CFAP77: variants seen among roughly 807,000 people sequenced by gnomAD.
CFAP77 encodes cilia- and flagella-associated protein 77.
In CFAP77, 25 loss-of-function variants were observed where a neutral mutation model predicts 31.1. The ratio of observed to expected loss-of-function variants is 0.80; its 90% confidence interval spans 0.59 to 1.12. The LOEUF (loss-of-function observed/expected upper bound fraction) is 1.12, where lower values mean the gene tolerates loss of function less well. CFAP77 is among the 50% of genes most tolerant of loss of function. The pLI is 0.00. For synonymous variants in CFAP77, 151 were observed against 159.9 expected, an observed-to-expected ratio of 0.94 and a Z score of 0.42; for missense variants, 377 against 397.3, an observed-to-expected ratio of 0.95 and a Z score of 0.44.
chr9:132,416,261 T>A (rs1157002391), intron 1 of CFAP77, among the ~76,000 whole-genome samples: 1 of 151,422 alleles, frequency 6.6e-6, no homozygotes, highest in South Asian at 2.1e-4. Context: ...ACTCATCCAG[T>A]GTCTGGTTGA....
rs1851767815 is a variant in CFAP77 at position 132,497,725 on chromosome 9, C to T, written c.196-970C>T. Among the ~76,000 whole-genome samples, 1 of 152,182 alleles carries T rather than the reference C, an allele frequency of 6.6e-6. No homozygotes were observed. The highest frequency in any genetic ancestry group is 2.1e-4 in the South Asian group (1 of 4,826). ...ACGGGGATGGTAATGAGACCTGCCT[C>T]ACTGCGCAGCTATGCAGACGGCATG... On this transcript the variant is annotated intron_variant, in intron 1 of 5. Coordinates refer to ENST00000393216, the MANE Select transcript of CFAP77 (RefSeq NM_001282957.2). The surrounding 1 kb of genome is among the most constrained non-coding windows in gnomAD (Gnocchi z 4.9).
At chr9:132,549,640 C>T (rs1379783189) in intron 5 of CFAP77, among the ~76,000 whole-genome samples, 2 of 152,128 alleles carry the variant, frequency 1.3e-5, no homozygotes, top group Non-Finnish European at 2.9e-5. Context: ...GAGTTTGAGA[C>T]CAGCCTGGTC....
intron 1 of CFAP77, among the ~76,000 whole-genome samples, chr9:132,456,899 CA>C (rs745452600): frequency 6.6e-6 from 1 of 151,998 alleles, no homozygotes; most frequent in Non-Finnish European, 1.5e-5. Context: ...TACAAGTGTG[CA>C]CCACCGTGTC....
chr9:132,487,659 T>TC (rs1819952662), intron 1 of CFAP77, among the ~76,000 whole-genome samples: 1 of 150,616 alleles, frequency 6.6e-6, no homozygotes. Context: ...TTTTTTTTTT[T>TC]CACTTGACAT....
At chr9:132,510,665 C>T (rs529055946) in intron 3 of CFAP77, among the ~76,000 whole-genome samples, 83 of 152,278 alleles carry the variant, frequency 5.5e-4, no homozygotes, top group Non-Finnish European at 9.3e-4. Flanking sequence ...TGATACATCC[C>T]GTCGGTGGCC....
At chr9:132,522,592 T>C (rs1227683011) in intron 3 of CFAP77, among the ~76,000 whole-genome samples, 5 of 152,184 alleles carry the variant, frequency 3.3e-5, no homozygotes. Flanking sequence ...CTTAAAAAAC[T>C]GAACGTGTTG....
intron 1 of CFAP77, among the ~76,000 whole-genome samples, chr9:132,458,357 G>GGGGGGGGGGGGGGTGGGGT (rs139008147): frequency 1.7e-5 from 2 of 119,038 alleles, no homozygotes; most frequent in Non-Finnish European, 3.5e-5. Flanking sequence ...GAGGGGGGGG[G>GGGGGGGGGGGGGGTGGGGT]GTGTGTATGG....
intron 1 of CFAP77, among the ~76,000 whole-genome samples, chr9:132,430,982 G>T (rs929889134): frequency 1.3e-5 from 2 of 152,204 alleles, no homozygotes; most frequent in Admixed American, 1.3e-4. Flanking sequence ...CTACAGTTTG[G>T]ATAGAAACCT....
intron 1 of CFAP77, among the ~76,000 whole-genome samples, chr9:132,419,695 T>C (rs1043268850): frequency 6.6e-5 from 10 of 152,306 alleles, no homozygotes; most frequent in African/African-American, 1.9e-4. Context: ...TTTTTTTCCT[T>C]TTTATGCATT....
intron 1 of CFAP77, among the ~76,000 whole-genome samples, chr9:132,472,313 G>A (rs917851020): frequency 6.6e-6 from 1 of 152,226 alleles, no homozygotes; most frequent in African/African-American, 2.4e-5. Context: ...CATTTAGGAA[G>A]TAATTTTCAA....
At chr9:132,453,538 AAAAT>A (rs1375596602) in intron 1 of CFAP77, among the ~76,000 whole-genome samples, 1 of 152,250 alleles carries the variant, frequency 6.6e-6, no homozygotes, top group East Asian at 1.9e-4. Flanking sequence ...AAAATAAAAT[AAAAT>A]AAAGCCAATA....
rs1852863391 is a variant in CFAP77 at position 132,554,284 on chromosome 9, C to T, written c.732+11237C>T. On this transcript the variant is annotated intron_variant, in intron 5 of 5. Coordinates refer to ENST00000393216, the MANE Select transcript of CFAP77 (RefSeq NM_001282957.2). This position sits in a 1 kb window ranked among gnomAD's most constrained non-coding sequence, Gnocchi z 4.1. ...AGCAAGGGTTAGAATCTGTTTAAAC[C>T]AGGGGCCTGAGAGTTGCTACACTTT... is the stretch of plus-strand genomic sequence containing the variant. Among the ~76,000 whole-genome samples, 1 of 152,140 alleles carries T rather than the reference C, an allele frequency of 6.6e-6. No individual in the cohort carries two copies. Among genetic ancestry groups the T allele is most frequent in the Non-Finnish European group, 1.5e-5 (1 of 68,024 alleles).
intron 5 of CFAP77, among the ~76,000 whole-genome samples, chr9:132,548,494 C>G (rs1005360408): frequency 6.6e-6 from 1 of 152,214 alleles, no homozygotes; most frequent in Admixed American, 6.5e-5. Flanking sequence ...ACCAAACGCT[C>G]GCACGCTGCT....
Position 132,480,701 on chromosome 9 carries a change from G to A in CFAP77, c.196-17994G>A, listed in dbSNP as rs1252834663. ...GTTTCTCACGGAGGCTACAGAGTCC[G>A]GGGGCTTCTCCAAGGTGGTGACATT... On this transcript the variant is annotated intron_variant, in intron 1 of 5. Coordinates refer to ENST00000393216, the MANE Select transcript of CFAP77 (RefSeq NM_001282957.2). The surrounding 1 kb of genome is among the most constrained non-coding windows in gnomAD (Gnocchi z 5.8). Among the ~76,000 whole-genome samples, 3 of 152,298 alleles carry A rather than the reference G, an allele frequency of 2.0e-5. No homozygotes were observed. The highest frequency in any genetic ancestry group is 2.1e-4 in the South Asian group (1 of 4,826).
chr9:132,447,279 A>T (rs535567634), intron 1 of CFAP77, among the ~76,000 whole-genome samples: 1 of 152,344 alleles, frequency 6.6e-6, no homozygotes, highest in Non-Finnish European at 1.5e-5. Flanking sequence ...CTGGGCTTCC[A>T]TCTGTCAGTT....
rs191875304 is a variant in CFAP77, at chr9:132,459,782, G to A, written c.196-38913G>A. 9.7e-4 allele frequency among the ~76,000 whole-genome samples: 146 copies of A among 151,052 alleles called. 1 individual carries two copies. The highest frequency in any genetic ancestry group is 3.4e-3 in the Middle Eastern group (1 of 294). On this transcript the variant is annotated intron_variant, in intron 1 of 5. Coordinates refer to ENST00000393216, the MANE Select transcript of CFAP77 (RefSeq NM_001282957.2). ...TGTGTGTATGAGTGTGTGTGAGAGC[G>A]TGTGTGTATGTGAGAGCGATGTGTG... is the stretch of plus-strand genomic sequence containing the variant.
At chr9:132,518,006 G>T (rs1852178522) in intron 3 of CFAP77, among the ~76,000 whole-genome samples, 1 of 152,098 alleles carries the variant, frequency 6.6e-6, no homozygotes, top group African/African-American at 2.4e-5. Flanking sequence ...TTGCTAGTGG[G>T]CGCGTCCGGT....
At chr9:132,476,947 C>T (rs925669908) in intron 1 of CFAP77, among the ~76,000 whole-genome samples, 1 of 152,322 alleles carries the variant, frequency 6.6e-6, no homozygotes, top group South Asian at 2.1e-4. Context: ...CCACAAGAAA[C>T]GGATACAGAG....
intron 1 of CFAP77, among the ~76,000 whole-genome samples, chr9:132,426,066 C>G (rs1850307629): frequency 6.6e-6 from 1 of 152,188 alleles, no homozygotes; most frequent in Non-Finnish European, 1.5e-5. Flanking sequence ...AGACCCCCGC[C>G]CGCCTCCCCG....
Sources: gnomAD v4.1 joint callset for allele counts (sites outside exome capture counted in the v4.1 genomes callset) on GRCh38, gnomAD v4.1.1 for gene constraint, Gnocchi (gnomAD v3.1) non-coding constraint, MANE v1.5 for transcripts, NCBI Gene and HGNC (gene_info 2026-07-23, HGNC 2026-07-21) for gene names.